SLC15A5: variants seen among roughly 807,000 people sequenced by gnomAD.
SLC15A5 encodes Peptide/histidine transporter ENSP00000340402.
A neutral mutation model predicts 56.1 loss-of-function variants in SLC15A5; 58 were observed. The ratio of observed to expected loss-of-function variants is 1.03; its 90% CI spans 0.84 to 1.29. The LOEUF (loss-of-function observed/expected upper bound fraction) is 1.29. SLC15A5 is among the 50% of genes most tolerant of loss of function. The probability of loss-of-function intolerance (pLI) is 0.00; values close to 1 mark genes in which losing one functional copy is unlikely to be tolerated. For synonymous variants in SLC15A5, 264 were observed against 250.5 expected (o/e 1.05, Z -0.51); for missense variants, 681 against 672.1 (o/e 1.01, Z -0.15).
chr12:16,218,104 G>GA (rs1864147835), intron 6 of SLC15A5, among the ~76,000 whole-genome samples: 1 of 151,870 alleles, frequency 6.6e-6, no homozygotes, highest in African/African-American at 2.4e-5. Flanking sequence ...CAACCAGAAG[G>GA]AAAAAAGATG....
rs1361853180 is a variant in SLC15A5 at position 16,271,318 on chromosome 12, C to T, written c.584+1243G>A. Among the ~76,000 whole-genome samples the T allele has an allele frequency of 6.6e-6, 1 of 152,200 alleles. No individual in the cohort carries two copies. The highest frequency in any genetic ancestry group is 2.4e-5 in the African/African-American group (1 of 41,446). On this transcript the variant is annotated intron_variant, in intron 2 of 8. Transcript: ENST00000344941. The surrounding 1 kb of genome is among the most constrained non-coding windows in gnomAD (Gnocchi z 8.0). ...AGCTATCTTTCAGAACAACTGATTG[C>T]TCTCCAGTCTTAATCCTCCAGAGTC...
intron 7 of SLC15A5, among the ~76,000 whole-genome samples, chr12:16,198,454 A>G (rs1268939561): frequency 6.6e-6 from 1 of 152,158 alleles, no homozygotes; most frequent in African/African-American, 2.4e-5. Context: ...TTTATTTTAT[A>G]TATTAATGAG....
intron 3 of SLC15A5, among the ~76,000 whole-genome samples, chr12:16,246,994 A>G (rs1864468546): frequency 6.6e-6 from 1 of 152,322 alleles, no homozygotes; most frequent in South Asian, 2.1e-4. Context: ...CATAAAATAA[A>G]GACATACAAA....
rs1285286281 is a variant in SLC15A5, at chr12:16,246,025, A to G, written c.755-1225T>C. 5.3e-5 allele frequency among the ~76,000 whole-genome samples: 8 copies of G among 152,294 alleles called. No homozygotes were observed. In the East Asian group the frequency reaches 1.5e-3, roughly 29 times the overall value. ...AGGAAGCTGGGGGCCTGGTAATTGA[A>G]TATGGAGCCTTTCACCTCTAAGTCA... is the stretch of plus-strand genomic sequence containing the variant. On this transcript the variant is annotated intron_variant, in intron 3 of 8. Transcript: ENST00000344941.
At chr12:16,240,404 G>A (rs1343650260) in intron 4 of SLC15A5, among the ~76,000 whole-genome samples, 2 of 152,004 alleles carry the variant, frequency 1.3e-5, no homozygotes, top group Admixed American at 6.6e-5. Context: ...CTTTGAGGGG[G>A]CTATTTAGAG....
intron 8 of SLC15A5, among the ~76,000 whole-genome samples, chr12:16,192,027 G>A (rs553805055): frequency 6.6e-6 from 1 of 152,118 alleles, no homozygotes; most frequent in African/African-American, 2.4e-5. Context: ...GTATAGAAGT[G>A]TAGAAGCATG....
chr12:16,268,595 T>A (rs1041178448), intron 2 of SLC15A5, among the ~76,000 whole-genome samples: 6 of 152,324 alleles, frequency 3.9e-5, no homozygotes, highest in South Asian at 2.1e-4. Flanking sequence ...AGATTTATAT[T>A]TTTTTCTCTC....
In SLC15A5 at chr12:16,243,347, A is replaced by G. The variant is rs866035143; in HGVS notation, c.975+1233T>C. On this transcript the variant is annotated intron_variant, in intron 4 of 8. Coordinates refer to ENST00000344941, the MANE Select transcript of SLC15A5 (RefSeq NM_001170798.1). The surrounding 1 kb of genome is among the most constrained non-coding windows in gnomAD (Gnocchi z 4.4). The stretch of plus-strand genomic sequence containing the variant: ...AGCCTCAGCCTCCCAAGCAGCTCGG[A>G]TTACAGGCATGGCCACCACACCTGA... Among the ~76,000 whole-genome samples, 11 of 151,714 alleles carry G rather than the reference A, an allele frequency of 7.3e-5. No individual in the cohort carries two copies. The highest frequency in any genetic ancestry group is 1.3e-4 in the Admixed American group (2 of 15,232).
At chr12:16,261,516 C>T (rs1268617482) in intron 2 of SLC15A5, among the ~76,000 whole-genome samples, 1 of 152,114 alleles carries the variant, frequency 6.6e-6, no homozygotes, top group African/African-American at 2.4e-5. Flanking sequence ...ATTGCTATTA[C>T]AAATAACGCT....
chr12:16,251,936 A>G (rs1242896710), intron 3 of SLC15A5, among the ~76,000 whole-genome samples: 4 of 152,062 alleles, frequency 2.6e-5, no homozygotes, highest in Non-Finnish European at 5.9e-5. Context: ...AGCACATTAA[A>G]TGGATCATAG....
At chr12:16,189,873 C>A (rs1863824349) in intron 8 of SLC15A5, 58 bp from the exon 9 acceptor site, 1 of 1,281,264 alleles carries the variant, frequency 7.8e-7, no homozygotes, top group South Asian at 2.0e-5. Context: ...ATTGATAAAT[C>A]ATTTGCTTCC....
intron 3 of SLC15A5, among the ~76,000 whole-genome samples, chr12:16,253,589 G>A (rs1864540377): frequency 6.6e-6 from 1 of 151,998 alleles, no homozygotes; most frequent in African/African-American, 2.4e-5. Flanking sequence ...ACCATAATGA[G>A]GCTGGGTGCC....
chr12:16,223,027 A>T (rs759258599), intron 6 of SLC15A5, among the ~76,000 whole-genome samples: 6 of 151,948 alleles, frequency 3.9e-5, no homozygotes, highest in Non-Finnish European at 8.8e-5. Flanking sequence ...ATATACAATT[A>T]TAAAAAAAGA....
At chr12:16,252,393 C>G (rs12099952) in intron 3 of SLC15A5, among the ~76,000 whole-genome samples, 7,934 of 151,976 alleles carry the variant, frequency 0.052, 317 homozygotes, top group African/African-American at 0.11. Context: ...ACGGCATGAT[C>G]TTATATGTAC....
intron 5 of SLC15A5, among the ~76,000 whole-genome samples, chr12:16,239,315 G>C (rs991696149): frequency 1.3e-5 from 2 of 152,144 alleles, no homozygotes; most frequent in African/African-American, 4.8e-5. Flanking sequence ...TACCGATTCA[G>C]AAATTAAAAT....
chr12:16,260,365 T>C (rs1266505054), intron 2 of SLC15A5, among the ~76,000 whole-genome samples: 1 of 152,202 alleles, frequency 6.6e-6, no homozygotes, highest in African/African-American at 2.4e-5. Flanking sequence ...GACTGTCTTC[T>C]TTCCACCTTT....
intron 5 of SLC15A5, among the ~76,000 whole-genome samples, chr12:16,225,210 C>T (rs1294658632): frequency 2.6e-5 from 4 of 152,134 alleles, no homozygotes; most frequent in African/African-American, 9.7e-5. Context: ...GTATTTATAG[C>T]AGCATGATTT....
At chr12:16,218,812 T>C (rs2417547) in intron 6 of SLC15A5, among the ~76,000 whole-genome samples, 84,455 of 151,942 alleles carry the variant, frequency 0.56, 23,749 homozygotes, top group South Asian at 0.73. Context: ...TTATTATCTC[T>C]TCCTGCTCCT....
intron 7 of SLC15A5, among the ~76,000 whole-genome samples, chr12:16,203,051 A>G (rs923769193): frequency 2.0e-5 from 3 of 152,080 alleles, no homozygotes; most frequent in African/African-American, 7.2e-5. Context: ...CTGGTGATCT[A>G]TTATACAGCA....
Sources: allele counts gnomAD v4.1 joint callset (sites outside exome capture counted in the v4.1 genomes callset), GRCh38; gene constraint gnomAD v4.1.1; non-coding constraint Gnocchi (gnomAD v3.1); transcripts MANE v1.5; gene names NCBI Gene and HGNC (gene_info 2026-07-23, HGNC 2026-07-21).